The following CSMD3 variants were observed in gnomAD, a reference collection of about 807,000 sequenced individuals.
CSMD3 encodes the protein CUB and sushi domain-containing protein 3.
A neutral mutation model predicts 435.2 loss-of-function variants in CSMD3; 177 were observed. The ratio of observed to expected loss-of-function variants is 0.41; its 90% CI spans 0.36 to 0.46. The LOEUF (loss-of-function observed/expected upper bound fraction) is 0.46. Ranked by LOEUF, CSMD3 falls within the 20% of genes least tolerant of loss-of-function variation. CSMD3 has a pLI of 0.34. For missense variants in CSMD3, 4,265 were observed against 4,504.6 expected (o/e 0.95, Z 1.52); for synonymous variants, 1,656 against 1,520.5 (o/e 1.09, Z -2.07).
At chr8:113,402,619 G>C (rs1421809937) in intron 1 of CSMD3, among the ~76,000 whole-genome samples, 1 of 151,168 alleles carries the variant, frequency 6.6e-6, no homozygotes, top group South Asian at 2.1e-4. Flanking sequence ...TCATCATCAT[G>C]ATTATTATTC....
At chr8:113,302,368 T>G (rs899444066) in intron 2 of CSMD3, among the ~76,000 whole-genome samples, 3 of 140,552 alleles carry the variant, frequency 2.1e-5, no homozygotes, top group Admixed American at 1.6e-4. Context: ...TCTGAAATGA[T>G]GTTATGAGAA....
At chr8:113,374,842 AAAAAAC>A (rs1347509026) in intron 1 of CSMD3, among the ~76,000 whole-genome samples, 956 of 19,398 alleles carry the variant, frequency 0.049, 32 homozygotes, top group Non-Finnish European at 0.11. Flanking sequence ...AAAAAAAAAA[AAAAAAC>A]CAATAAAATG....
intron 10 of CSMD3, among the ~76,000 whole-genome samples, chr8:112,891,125 T>A (rs1426989134): frequency 6.6e-6 from 1 of 151,608 alleles, no homozygotes; most frequent in African/African-American, 2.4e-5. Context: ...ACAGACCTCC[T>A]GGGACTTGTA....
chr8:112,690,594 C>T (rs1053617726), intron 13 of CSMD3, among the ~76,000 whole-genome samples: 5 of 149,902 alleles, frequency 3.3e-5, no homozygotes, highest in African/African-American at 7.4e-5. Flanking sequence ...TAGACCCCCC[C>T]CCCCAACAAA....
intron 22 of CSMD3, among the ~76,000 whole-genome samples, chr8:112,623,397 AT>A (rs1487617351): frequency 8.5e-5 from 13 of 152,288 alleles, no homozygotes; most frequent in African/African-American, 2.6e-4. Context: ...CACAAAAAAA[AT>A]ACCTCTTTGC....
intron 10 of CSMD3, among the ~76,000 whole-genome samples, chr8:112,891,226 C>G (rs961958006): frequency 2.0e-5 from 3 of 151,452 alleles, no homozygotes; most frequent in East Asian, 2.0e-4. Context: ...GATAGAAATG[C>G]GAAGTCTAGG....
chr8:113,133,355 CAA>C (rs2091333276), intron 4 of CSMD3, among the ~76,000 whole-genome samples: 1 of 152,060 alleles, frequency 6.6e-6, no homozygotes, highest in Admixed American at 6.6e-5. Flanking sequence ...ATGAAAACCA[CAA>C]AGAGATATCA....
intron 41 of CSMD3, among the ~76,000 whole-genome samples, chr8:112,344,695 T>C (rs944675781): frequency 3.9e-5 from 6 of 152,084 alleles, no homozygotes; most frequent in African/African-American, 1.2e-4. Context: ...TATAAACTCA[T>C]AGGATCTGCA....
At chr8:112,355,057 C>A (rs1237994901) in intron 38 of CSMD3, among the ~76,000 whole-genome samples, 1 of 152,176 alleles carries the variant, frequency 6.6e-6, no homozygotes, top group Admixed American at 6.5e-5. Flanking sequence ...CACACATCCA[C>A]AACTACTTGA....
rs139252514 is a variant in CSMD3, at chr8:112,973,617, A to C, written c.1342+2220T>G. Among the ~76,000 whole-genome samples the C allele has an allele frequency of 6.0e-3, 906 of 152,076 alleles. 5 individuals are homozygous for C. The highest frequency in any genetic ancestry group is 0.019 in the African/African-American group (806 of 41,552). On this transcript the variant is annotated intron_variant, in intron 7 of 70. Coordinates refer to ENST00000297405, the MANE Select transcript of CSMD3 (RefSeq NM_198123.2). ...AGCCATTTCCAGTTTAGAAATTTGG[A>C]CCTGCTGGTAATCAAGTCTTAGAAG...
intron 6 of CSMD3, among the ~76,000 whole-genome samples, chr8:113,014,694 A>T (rs1200974516): frequency 1.3e-5 from 2 of 152,138 alleles, no homozygotes; most frequent in Non-Finnish European, 2.9e-5. Flanking sequence ...CAAGGGAAGG[A>T]GTCAGGGAAT....
rs557511031 is a variant in CSMD3, at chr8:113,028,602, A to C, written c.918-9423T>G. ...TCCAGTGAACACACAAATTATAAGAAAGCAAAACAATCTTTTTTGCTGATA... is the reference window on the plus strand; with the variant it reads ...TCCAGTGAACACACAAATTATAAGACAGCAAAACAATCTTTTTTGCTGATA... On this transcript the variant is annotated intron_variant, in intron 5 of 70. Transcript: ENST00000297405. Among the ~76,000 whole-genome samples, 5 of 151,656 alleles carry C rather than the reference A, an allele frequency of 3.3e-5. 1 individual carries two copies. In the South Asian group the frequency reaches 8.4e-4, roughly 25 times the overall value.
intron 12 of CSMD3, among the ~76,000 whole-genome samples, chr8:112,815,985 T>A (rs563472828): frequency 6.6e-6 from 1 of 152,170 alleles, no homozygotes; most frequent in African/African-American, 2.4e-5. Flanking sequence ...CTCATCCACA[T>A]GATGAGAAAA....
intron 6 of CSMD3, among the ~76,000 whole-genome samples, chr8:112,991,319 A>G (rs150362904): frequency 7.9e-5 from 12 of 151,898 alleles, no homozygotes; most frequent in African/African-American, 2.4e-5. Flanking sequence ...AATTTCAGTC[A>G]CTAGCTAGGA....
chr8:112,763,806 T>C (rs2077906102), intron 13 of CSMD3, among the ~76,000 whole-genome samples: 1 of 151,150 alleles, frequency 6.6e-6, no homozygotes, highest in East Asian at 1.9e-4. Flanking sequence ...TTTCAAAATG[T>C]AACAAGAATA....
At chr8:113,190,212 T>C (rs2092564388) in intron 3 of CSMD3, among the ~76,000 whole-genome samples, 1 of 151,798 alleles carries the variant, frequency 6.6e-6, no homozygotes, top group South Asian at 2.1e-4. Flanking sequence ...AGATACAACA[T>C]TGAACAATAT....
At chr8:113,244,078 T>G (rs1447476632) in intron 3 of CSMD3, among the ~76,000 whole-genome samples, 1 of 152,202 alleles carries the variant, frequency 6.6e-6, no homozygotes, top group Non-Finnish European at 1.5e-5. Context: ...ATACACAATT[T>G]GAAAATATTT....
In CSMD3 at chr8:112,638,641, A is replaced by G. The variant is rs112649298; in HGVS notation, c.3526+55T>C. ...ATCATCAGTTATGCTCATATCTTGA[A>G]AAATTGCTTTTTTAAAAGTTACTGA... On this transcript the variant is annotated intron_variant, in intron 21 of 70. Coordinates refer to ENST00000297405, the MANE Select transcript of CSMD3 (RefSeq NM_198123.2). 4.5e-4 allele frequency: 475 copies of G among 1,060,310 alleles called. 3 individuals are homozygous for G. The African/African-American group carries it at 6.5e-3, about 15-fold the overall frequency. 65.7% of individuals were successfully genotyped at this position (1,060,310 alleles called of 1,614,324 possible). A position where few individuals can be genotyped will look rare whatever the true frequency, so the allele number is the denominator to read the frequency against.
intron 1 of CSMD3, among the ~76,000 whole-genome samples, chr8:113,353,557 AT>A (rs2094203239): frequency 6.6e-6 from 1 of 152,134 alleles, no homozygotes; most frequent in African/African-American, 2.4e-5. Flanking sequence ...GCATTGAGAC[AT>A]TTTTAGATTT....
Sources: gnomAD v4.1 joint callset for allele counts (sites outside exome capture counted in the v4.1 genomes callset) on GRCh38, gnomAD v4.1.1 for gene constraint, MANE v1.5 for transcripts, NCBI Gene and HGNC (gene_info 2026-07-23, HGNC 2026-07-21) for gene names.